The following EML6 variants were observed in gnomAD, a reference collection of about 807,000 sequenced individuals.
EML6 encodes EMAP like 6.
A neutral mutation model predicts 240.1 loss-of-function variants in EML6; 154 were observed. That is an observed-to-expected ratio of 0.64 (90% confidence interval 0.56 to 0.73). The LOEUF (loss-of-function observed/expected upper bound fraction) is 0.73, where lower values mean the gene tolerates loss of function less well. EML6 is among the 30% of genes least tolerant of loss of function. EML6 has a pLI of 0.00. For missense variants in EML6, 2,964 were observed against 2,474.6 expected, an observed-to-expected ratio of 1.20 and a Z score of -4.20; for synonymous variants, 1,148 against 899.0, an observed-to-expected ratio of 1.28 and a Z score of -4.95.
intron 24 of EML6, among the ~76,000 whole-genome samples, chr2:54,905,043 C>T (rs376019520): frequency 1.3e-5 from 2 of 152,060 alleles, no homozygotes; most frequent in African/African-American, 4.8e-5. Flanking sequence ...AGGTACAAGT[C>T]CCAACAAGGG....
rs1018930223 is a variant in EML6 at position 54,871,559 on chromosome 2, G to A, written c.2298G>A (p.Leu766=). Residue 766 remains leucine (L), a synonymous_variant, in exon 16 of 42, where the codon CTG becomes CTA. Transcript: ENST00000356458. ...CACAAACTCTAAAATGTTTGTCGCT[G>A]TTGAAAGGACAACATCAGAGAGGAG... ...WDTQTLKCLS[L]LKGQHQRGVC... 3 of 1,551,648 alleles carry A rather than the reference G, an allele frequency of 1.9e-6. No individual in the cohort carries two copies. The highest frequency in any genetic ancestry group is 2.7e-5 in the African/African-American group (2 of 73,078).
intron 28 of EML6, among the ~76,000 whole-genome samples, chr2:54,946,595 T>C (rs1309585455): frequency 6.6e-6 from 1 of 152,186 alleles, no homozygotes; most frequent in Non-Finnish European, 1.5e-5. Flanking sequence ...ATGAACACTG[T>C]TTATAGATGC....
intron 17 of EML6, among the ~76,000 whole-genome samples, chr2:54,886,371 T>G (rs1672141473): frequency 6.6e-6 from 1 of 152,096 alleles, no homozygotes; most frequent in African/African-American, 2.4e-5. Context: ...TTCACAATGT[T>G]GGCCAGGCTG....
At chr2:54,947,354 G>T (rs1675742368) in intron 28 of EML6, among the ~76,000 whole-genome samples, 1 of 152,126 alleles carries the variant, frequency 6.6e-6, no homozygotes, top group African/African-American at 2.4e-5. Flanking sequence ...TCAGCCGGGG[G>T]TGTCGTTTTG....
At chr2:54,921,198 T>C (rs893266257) in intron 26 of EML6, among the ~76,000 whole-genome samples, 1 of 152,060 alleles carries the variant, frequency 6.6e-6, no homozygotes, top group Non-Finnish European at 1.5e-5. Flanking sequence ...CATGATCTTA[T>C]ATATAGAAAA....
Position 54,724,993 on chromosome 2 carries a change from G to C in EML6, c.-69G>C. 7.6e-7 allele frequency: 1 copy of C among 1,310,460 alleles called. No individual in the cohort carries two copies. Among genetic ancestry groups the C allele is most frequent in the Non-Finnish European group, 9.8e-7 (1 of 1,021,882 alleles). 81.2% of individuals were successfully genotyped at this position (1,310,460 alleles called of 1,614,324 possible). A position where few individuals can be genotyped will look rare whatever the true frequency, so the allele number is the denominator to read the frequency against. ...CGCGCTGAGCCCCTGCAGGTCCGCC[G>C]CAGCCCCAGCCTCGGCGAGGACGGC... On this transcript the variant is annotated 5_prime_UTR_variant, in exon 2 of 42. Transcript: ENST00000356458. This position sits in a 1 kb window ranked among gnomAD's most constrained non-coding sequence, Gnocchi z 5.2.
intron 32 of EML6, 31 bp downstream of exon 32, chr2:54,954,187 AG>A: frequency 2.6e-6 from 4 of 1,540,470 alleles, no homozygotes. Context: ...CTGTCCCTCC[AG>A]GGTGTCTGCC....
intron 2 of EML6, chr2:54,748,467 T>A (rs895676487): frequency 1.3e-5 from 2 of 152,118 alleles, no homozygotes; most frequent in African/African-American, 4.8e-5. Context: ...AGGCCTAGTA[T>A]AGGGAGGACA....
intron 2 of EML6, among the ~76,000 whole-genome samples, chr2:54,781,219 T>G (rs1668841578): frequency 6.6e-6 from 1 of 152,150 alleles, no homozygotes; most frequent in Admixed American, 6.5e-5. Flanking sequence ...ACACAGCTAG[T>G]GAGTGGCAGG....
At chr2:54,761,639 A>G (rs925680955) in intron 2 of EML6, among the ~76,000 whole-genome samples, 6 of 152,108 alleles carry the variant, frequency 3.9e-5, no homozygotes, top group Non-Finnish European at 8.8e-5. Flanking sequence ...CTTGACTTTA[A>G]TTTGTCTGAA....
intron 17 of EML6, chr2:54,882,396 G>T (rs1030919755): frequency 6.6e-6 from 1 of 151,370 alleles, no homozygotes; most frequent in Non-Finnish European, 1.5e-5. Context: ...CTGTCAATCA[G>T]GGCAGAATAA....
chr2:54,839,407 C>T (rs896140653), intron 7 of EML6, among the ~76,000 whole-genome samples: 4 of 152,166 alleles, frequency 2.6e-5, no homozygotes, highest in Non-Finnish European at 5.9e-5. Context: ...TGGACAGACG[C>T]CATGAGATTG....
chr2:54,795,681 G>C (rs974152182), intron 2 of EML6, among the ~76,000 whole-genome samples: 1 of 152,156 alleles, frequency 6.6e-6, no homozygotes, highest in Non-Finnish European at 1.5e-5. Context: ...CATGCACTGC[G>C]CTGCCCCGAT....
chr2:54,844,003 T>A (rs975389350), intron 7 of EML6, 44 bp from the exon 8 acceptor site: 5 of 1,223,716 alleles, frequency 4.1e-6, no homozygotes, highest in Non-Finnish European at 4.7e-6. Flanking sequence ...TGTGTGTGTG[T>A]GAATAGTGTG....
chr2:54,854,887 C>CA (rs1406790761), intron 11 of EML6, among the ~76,000 whole-genome samples: 3 of 152,252 alleles, frequency 2.0e-5, no homozygotes, highest in East Asian at 3.9e-4. Flanking sequence ...AGTATACTTG[C>CA]AGGGGGTAAG....
At chr2:54,832,572 A>G (rs1668929459) in intron 7 of EML6, among the ~76,000 whole-genome samples, 1 of 152,230 alleles carries the variant, frequency 6.6e-6, no homozygotes, top group Admixed American at 6.5e-5. Context: ...AAAGTAATCA[A>G]GATGTAAATA....
intron 2 of EML6, among the ~76,000 whole-genome samples, chr2:54,743,197 C>T (rs1200190912): frequency 6.6e-6 from 1 of 152,180 alleles, no homozygotes; most frequent in Non-Finnish European, 1.5e-5. Flanking sequence ...GACGCAGTCA[C>T]GTCGCAGGGT....
chr2:54,755,473 G>A (rs1684357101), intron 2 of EML6, among the ~76,000 whole-genome samples: 1 of 152,000 alleles, frequency 6.6e-6, no homozygotes, highest in African/African-American at 2.4e-5. Context: ...ATAATATTGA[G>A]TCTTCCAATC....
chr2:54,919,413 A>C (rs1262202758), intron 26 of EML6, among the ~76,000 whole-genome samples: 1 of 152,156 alleles, frequency 6.6e-6, no homozygotes, highest in Non-Finnish European at 1.5e-5. Context: ...CACTTTGGTT[A>C]CTTTGGACAC....
Sources: gnomAD v4.1 joint callset for allele counts (sites outside exome capture counted in the v4.1 genomes callset) on GRCh38, gnomAD v4.1.1 for gene constraint, Gnocchi (gnomAD v3.1) non-coding constraint, MANE v1.5 for transcripts, NCBI Gene and HGNC (gene_info 2026-07-23, HGNC 2026-07-21) for gene names.